Variants in HS3ST5 observed in about 807,000 individuals in gnomAD.
HS3ST5 encodes the protein heparan sulfate-glucosamine 3-sulfotransferase 5.
Under a neutral mutation model 25.4 loss-of-function variants are expected in HS3ST5, and 10 were observed. The ratio of observed to expected loss-of-function variants is 0.39; its 90% CI spans 0.24 to 0.67. The LOEUF (loss-of-function observed/expected upper bound fraction) is 0.67. Among genes scored for constraint, HS3ST5 ranks in the 30% least tolerant of loss-of-function variants. HS3ST5 has a pLI of 0.44. For missense variants in HS3ST5, 324 were observed against 420.7 expected (o/e 0.77, Z 2.01); for synonymous variants, 170 against 162.4 (o/e 1.05, Z -0.36).
At chr6:114,286,231 T>C (rs976939455) in intron 1 of HS3ST5, among the ~76,000 whole-genome samples, 1 of 151,972 alleles carries the variant, frequency 6.6e-6, no homozygotes, top group African/African-American at 2.4e-5. Flanking sequence ...CAAAAAATTA[T>C]CCATTTTATC....
At chr6:114,209,482 C>T (rs1366508447) in intron 2 of HS3ST5, among the ~76,000 whole-genome samples, 1 of 151,684 alleles carries the variant, frequency 6.6e-6, no homozygotes, top group South Asian at 2.1e-4. Context: ...ATTCTTTCAG[C>T]TTTTCTATTG....
intron 2 of HS3ST5, among the ~76,000 whole-genome samples, chr6:114,203,574 T>G (rs769792641): frequency 6.6e-6 from 1 of 152,214 alleles, no homozygotes; most frequent in Non-Finnish European, 1.5e-5. Flanking sequence ...TTCAGACTTT[T>G]GCATTCTGAT....
At chr6:114,059,144 G>A (rs1422516668) in intron 4 of HS3ST5, 1 of 152,188 alleles carries the variant, frequency 6.6e-6, no homozygotes, top group Non-Finnish European at 1.5e-5. Flanking sequence ...GATAGTAGAC[G>A]ATGGTGACTG....
intron 3 of HS3ST5, among the ~76,000 whole-genome samples, chr6:114,065,305 C>T (rs113007164): frequency 0.013 from 1,945 of 152,354 alleles, 30 homozygotes; most frequent in Admixed American, 0.021. Context: ...TGATTCAGAG[C>T]TTCACTGAAA....
intron 1 of HS3ST5, among the ~76,000 whole-genome samples, chr6:114,341,212 G>GGAGAGAGGGGGAGAGAGAGA (rs1776834335): frequency 2.4e-5 from 2 of 83,010 alleles, no homozygotes; most frequent in African/African-American, 6.8e-5. Context: ...GAGGGAATAG[G>GGAGAGAGGGGGAGAGAGAGA]GAGAGAGGGG....
At chr6:114,326,307 T>G (rs1046863833) in intron 1 of HS3ST5, among the ~76,000 whole-genome samples, 1 of 152,114 alleles carries the variant, frequency 6.6e-6, no homozygotes, top group Non-Finnish European at 1.5e-5. Context: ...CAATAATTGC[T>G]TGAACCTGGG....
At chr6:114,111,828 A>G (rs747620776) in intron 3 of HS3ST5, among the ~76,000 whole-genome samples, 10 of 152,012 alleles carry the variant, frequency 6.6e-5, no homozygotes, top group Non-Finnish European at 1.0e-4. Flanking sequence ...ATCTCCAACA[A>G]CTTTACATCT....
chr6:114,243,242 A>G lies in HS3ST5; in HGVS notation c.-338-14464T>C, dbSNP rs144876964. Among the ~76,000 whole-genome samples the G allele has an allele frequency of 8.4e-4, 128 of 152,322 alleles. 1 individual carries two copies. The East Asian group carries it at 0.023, about 28-fold the overall frequency. ...GAGCTAGATAAATGCATATTATTGTATGTTGCGGAGATTTTGTGTTTATTA... is the reference window on the plus strand; with the variant it reads ...GAGCTAGATAAATGCATATTATTGTGTGTTGCGGAGATTTTGTGTTTATTA... On this transcript the variant is annotated intron_variant, in intron 1 of 4. Transcript: ENST00000312719.
intron 2 of HS3ST5, among the ~76,000 whole-genome samples, chr6:114,200,117 T>C (rs887428353): frequency 6.6e-6 from 1 of 152,204 alleles, no homozygotes; most frequent in Non-Finnish European, 1.5e-5. Flanking sequence ...CTTGGGAGGC[T>C]GAGGCAGGAG....
intron 3 of HS3ST5, among the ~76,000 whole-genome samples, chr6:114,127,248 T>C (rs1777086960): frequency 6.6e-6 from 1 of 151,866 alleles, no homozygotes; most frequent in Non-Finnish European, 1.5e-5. Flanking sequence ...AAAAACAAAT[T>C]CCTCCGTTAT....
intron 2 of HS3ST5, among the ~76,000 whole-genome samples, chr6:114,177,698 A>G (rs940035380): frequency 2.6e-5 from 4 of 152,214 alleles, no homozygotes; most frequent in African/African-American, 9.6e-5. Context: ...GAGGTGTTCT[A>G]GTTATGAAGG....
rs545612481 is a variant in HS3ST5 at position 114,239,182 on chromosome 6, C to G, written c.-338-10404G>C. ...ACTTCAATTTGCAAAGTTGTTTAAT[C>G]TCATTATACACATAAAAATATCCTC... is the stretch of plus-strand genomic sequence containing the variant. On this transcript the variant is annotated intron_variant, in intron 1 of 4. Transcript: ENST00000312719. 2.0e-5 allele frequency: 3 copies of G among 152,236 alleles called. No individual in the cohort carries two copies. The South Asian group carries it at 6.2e-4, about 32-fold the overall frequency. 9.4% of individuals were successfully genotyped at this position (152,236 alleles called of 1,614,324 possible).
At chr6:114,280,635 T>G (rs1325586361) in intron 1 of HS3ST5, among the ~76,000 whole-genome samples, 1 of 152,036 alleles carries the variant, frequency 6.6e-6, no homozygotes, top group Non-Finnish European at 1.5e-5. Context: ...AAAGTTGATT[T>G]CAGTACAATT....
At chr6:114,140,108 A>AT (rs1260171394) in intron 3 of HS3ST5, among the ~76,000 whole-genome samples, 1 of 152,024 alleles carries the variant, frequency 6.6e-6, no homozygotes, top group Non-Finnish European at 1.5e-5. Flanking sequence ...GGAAAGAGTG[A>AT]TTTTCTTCTA....
chr6:114,192,787 A>C (rs991904942), intron 2 of HS3ST5, among the ~76,000 whole-genome samples: 3 of 152,172 alleles, frequency 2.0e-5, no homozygotes, highest in African/African-American at 7.2e-5. Context: ...AGGGGTATAA[A>C]GTAAAAAGAA....
At chr6:114,277,605 G>C (rs1185815378) in intron 1 of HS3ST5, among the ~76,000 whole-genome samples, 1 of 151,572 alleles carries the variant, frequency 6.6e-6, no homozygotes, top group Non-Finnish European at 1.5e-5. Context: ...GGAGTTAATG[G>C]ATACATTCAT....
At chr6:114,230,567 A>G (rs1209844591) in intron 1 of HS3ST5, among the ~76,000 whole-genome samples, 1 of 149,234 alleles carries the variant, frequency 6.7e-6, no homozygotes, top group Non-Finnish European at 1.5e-5. Context: ...CTTAGATGCT[A>G]TAGTATGTTC....
intron 1 of HS3ST5, among the ~76,000 whole-genome samples, chr6:114,256,209 A>C (rs7746450): frequency 6.6e-6 from 1 of 151,820 alleles, no homozygotes; most frequent in African/African-American, 2.4e-5. Context: ...TAACACAGTG[A>C]AACCTCGTCT....
intron 2 of HS3ST5, among the ~76,000 whole-genome samples, chr6:114,176,738 T>C (rs1167330074): frequency 6.6e-6 from 1 of 152,188 alleles, no homozygotes; most frequent in African/African-American, 2.4e-5. Flanking sequence ...CAAGGTATAA[T>C]TGTTGAACAC....
Sources: allele counts gnomAD v4.1 joint callset (sites outside exome capture counted in the v4.1 genomes callset), GRCh38; gene constraint gnomAD v4.1.1; transcripts MANE v1.5; gene names NCBI Gene and HGNC (gene_info 2026-07-23, HGNC 2026-07-21).